EFNA5: variants seen among roughly 807,000 people sequenced by gnomAD.
EFNA5 encodes ephrin A5.
EFNA5 carries 5 observed loss-of-function variants against 22.9 expected under a neutral mutation model. The observed-to-expected ratio is 0.22, with a 90% CI of 0.11 to 0.46. The LOEUF (loss-of-function observed/expected upper bound fraction) is 0.46, where lower values mean the gene tolerates loss of function less well. Among genes scored for constraint, EFNA5 ranks in the 20% least tolerant of loss-of-function variants. The pLI is 0.99. For synonymous variants in EFNA5, 113 were observed against 112.2 expected, an observed-to-expected ratio of 1.01 and a Z score of -0.04; for missense variants, 237 against 293.3, an observed-to-expected ratio of 0.81 and a Z score of 1.40.
intron 1 of EFNA5, among the ~76,000 whole-genome samples, chr5:107,474,486 G>A (rs1750225619): frequency 6.6e-6 from 1 of 152,004 alleles, no homozygotes; most frequent in Non-Finnish European, 1.5e-5. Flanking sequence ...AAATTTCCCA[G>A]AGGATCAGAA....
intron 2 of EFNA5, among the ~76,000 whole-genome samples, chr5:107,421,600 G>A (rs183867752): frequency 6.6e-6 from 1 of 152,252 alleles, no homozygotes; most frequent in East Asian, 1.9e-4. Flanking sequence ...AGGAAAAAAT[G>A]CAGAAATATG....
chr5:107,432,192 G>C (rs1417862213), intron 1 of EFNA5, among the ~76,000 whole-genome samples: 5 of 152,310 alleles, frequency 3.3e-5, no homozygotes, highest in Admixed American at 3.3e-4. Context: ...TCAGATTGCA[G>C]GGTTAGCTCC....
In EFNA5 at chr5:107,534,402, T is replaced by C. The variant is rs147582052; in HGVS notation, c.126-106893A>G. On this transcript the variant is annotated intron_variant, in intron 1 of 4. Coordinates refer to ENST00000333274, the MANE Select transcript of EFNA5 (RefSeq NM_001962.3). Reference sequence around the variant, plus strand: ...GCAAACTGCATGAGCTAGTAATTAGTTTTATGTCTAGTCCTGGAAAGCAAA... The same window carrying C: ...GCAAACTGCATGAGCTAGTAATTAGCTTTATGTCTAGTCCTGGAAAGCAAA... 6.4e-3 allele frequency among the ~76,000 whole-genome samples: 973 copies of C among 152,326 alleles called. 14 individuals carry two copies. Among genetic ancestry groups the C allele is most frequent in the African/African-American group, 0.022 (916 of 41,572 alleles).
intron 1 of EFNA5, among the ~76,000 whole-genome samples, chr5:107,479,609 A>G (rs1215554922): frequency 2.6e-5 from 4 of 152,218 alleles, no homozygotes; most frequent in Admixed American, 6.5e-5. Context: ...AAGGCACCAG[A>G]AAGTCCATGA....
At chr5:107,520,397 G>A (rs923792692) in intron 1 of EFNA5, among the ~76,000 whole-genome samples, 10 of 152,074 alleles carry the variant, frequency 6.6e-5, no homozygotes, top group Admixed American at 3.3e-4. Flanking sequence ...AACTAAAAAG[G>A]TCTCAGATAA....
intron 1 of EFNA5, among the ~76,000 whole-genome samples, chr5:107,476,658 T>A (rs1238380084): frequency 1.3e-5 from 2 of 152,204 alleles, no homozygotes; most frequent in African/African-American, 4.8e-5. Context: ...GTATCAGGAC[T>A]CTCTGATTTG....
At chr5:107,617,112 T>C (rs1749934806) in intron 1 of EFNA5, among the ~76,000 whole-genome samples, 1 of 151,694 alleles carries the variant, frequency 6.6e-6, no homozygotes, top group African/African-American at 2.4e-5. Flanking sequence ...CAGAAAATAT[T>C]AACCCTAATT....
At chr5:107,435,083 T>C (rs1369478548) in intron 1 of EFNA5, among the ~76,000 whole-genome samples, 1 of 152,234 alleles carries the variant, frequency 6.6e-6, no homozygotes, top group Admixed American at 6.5e-5. Flanking sequence ...ATTTAAAGGC[T>C]AATTTCAGAA....
chr5:107,429,410 C>T (rs1748890363), intron 1 of EFNA5, among the ~76,000 whole-genome samples: 1 of 152,236 alleles, frequency 6.6e-6, no homozygotes. Flanking sequence ...CACGCCACTG[C>T]ACTCCAGCCT....
At chr5:107,629,157 C>A (rs1315324013) in intron 1 of EFNA5, among the ~76,000 whole-genome samples, 1 of 152,076 alleles carries the variant, frequency 6.6e-6, no homozygotes, top group Non-Finnish European at 1.5e-5. Context: ...ATAAAACTAA[C>A]ATTTTAAGTG....
Position 107,643,871 on chromosome 5 carries a change from T to TTAATAA in EFNA5, c.125+26612_125+26617dup, listed in dbSNP as rs148571029. Among the ~76,000 whole-genome samples, 381 of 146,264 alleles carry TTAATAA rather than the reference T, an allele frequency of 2.6e-3. 3 individuals are homozygous for TTAATAA. Among genetic ancestry groups the TTAATAA allele is most frequent in the African/African-American group, 7.2e-3 (273 of 37,860 alleles). ...TCTTCTTTATAGCTGTCTATTTTCTTTAATAATAATAATAATAATAATAAT... is the reference window on the plus strand; with the variant it reads ...TCTTCTTTATAGCTGTCTATTTTCTTTAATAATAATAATAATAATAATAATAATAAT... On this transcript the variant is annotated intron_variant, in intron 1 of 4. Transcript: ENST00000333274.
intron 1 of EFNA5, among the ~76,000 whole-genome samples, chr5:107,520,764 C>G (rs965876431): frequency 6.6e-6 from 1 of 152,166 alleles, no homozygotes; most frequent in African/African-American, 2.4e-5. Flanking sequence ...CCAACCAGAT[C>G]TGCCTTAAGC....
chr5:107,635,413 C>G (rs1750352562), intron 1 of EFNA5, among the ~76,000 whole-genome samples: 1 of 152,156 alleles, frequency 6.6e-6, no homozygotes, highest in African/African-American at 2.4e-5. Flanking sequence ...AGGAAATCTT[C>G]CCCCAGCGGT....
At chr5:107,417,545 A>G (rs184288037) in intron 2 of EFNA5, among the ~76,000 whole-genome samples, 109 of 152,298 alleles carry the variant, frequency 7.2e-4, no homozygotes, top group African/African-American at 2.5e-3. Context: ...CTCATGAACT[A>G]AAATAATGAA....
At chr5:107,518,974 C>T (rs912664266) in intron 1 of EFNA5, among the ~76,000 whole-genome samples, 1 of 152,246 alleles carries the variant, frequency 6.6e-6, no homozygotes, top group East Asian at 1.9e-4. Flanking sequence ...AAGATCCAAC[C>T]GGTTTCATTT....
At chr5:107,600,466 G>T (rs1749567728) in intron 1 of EFNA5, among the ~76,000 whole-genome samples, 1 of 152,020 alleles carries the variant, frequency 6.6e-6, no homozygotes, top group African/African-American at 2.4e-5. Context: ...AAGGTAATCA[G>T]CTAAGTTAAT....
At chr5:107,534,049 G>A (rs1372082514) in intron 1 of EFNA5, among the ~76,000 whole-genome samples, 1 of 152,172 alleles carries the variant, frequency 6.6e-6, no homozygotes, top group Non-Finnish European at 1.5e-5. Flanking sequence ...CCCAGCACCT[G>A]AGCCACACAC....
chr5:107,660,261 C>CATATATATATATAAATATATAT (rs1163908363), intron 1 of EFNA5, among the ~76,000 whole-genome samples: 2 of 52,450 alleles, frequency 3.8e-5, no homozygotes, highest in Non-Finnish European at 7.8e-5. Flanking sequence ...ATGGCAAAAA[C>CATATATATATATAAATATATAT]ATATATATAT....
intron 4 of EFNA5, among the ~76,000 whole-genome samples, chr5:107,384,244 C>T (rs762132859): frequency 1.1e-4 from 17 of 152,172 alleles, no homozygotes; most frequent in Non-Finnish European, 2.1e-4. Flanking sequence ...AGAAAGAAAA[C>T]GTTCCTCTTC....
Sources: allele counts gnomAD v4.1 joint callset (sites outside exome capture counted in the v4.1 genomes callset), GRCh38; gene constraint gnomAD v4.1.1; transcripts MANE v1.5; gene names NCBI Gene and HGNC (gene_info 2026-07-23, HGNC 2026-07-21).